The following IPO11 variants were observed in gnomAD, a reference collection of about 807,000 sequenced individuals.
IPO11 encodes importin 11.
A neutral mutation model predicts 143.2 loss-of-function variants in IPO11; 66 were observed. The observed-to-expected ratio is 0.46, with a 90% CI of 0.38 to 0.57. The LOEUF (loss-of-function observed/expected upper bound fraction) is 0.57, where lower values mean the gene tolerates loss of function less well. IPO11 is among the 20% of genes least tolerant of loss of function. The pLI, the probability that IPO11 is intolerant of heterozygous loss-of-function variation, is 0.00. For missense variants in IPO11, 1,026 were observed against 1,141.0 expected, an observed-to-expected ratio of 0.90 and a Z score of 1.45; for synonymous variants, 385 against 377.8, an observed-to-expected ratio of 1.02 and a Z score of -0.22.
chr5:62,483,267 CT>C lies in IPO11; in HGVS notation c.997del (p.Tyr333IlefsTer30). 1 of 1,574,730 alleles carries C rather than the reference CT, an allele frequency of 6.4e-7. No homozygotes were observed. Among genetic ancestry groups the C allele is most frequent in the Non-Finnish European group, 8.6e-7 (1 of 1,163,054 alleles). ...ATTAAGATGATTGTCAAAAATTATGCTTATAAGCCATCCAAAAATTTTGAAG... is the reference window on the plus strand; with the variant it reads ...ATTAAGATGATTGTCAAAAATTATGCTATAAGCCATCCAAAAATTTTGAAG... ...NLIKMIVKNY[A>X]YKPSKNFEDS... On this transcript the variant is annotated frameshift_variant, in exon 10 of 30. Coordinates refer to ENST00000325324, the MANE Select transcript of IPO11 (RefSeq NM_016338.5). LOFTEE classifies it high-confidence loss of function.
chr5:62,458,483 T>C (rs1420830647), intron 5 of IPO11, among the ~76,000 whole-genome samples: 1 of 152,196 alleles, frequency 6.6e-6, no homozygotes, highest in African/African-American at 2.4e-5. Context: ...GTACTTTTAG[T>C]AGGGACAGGG....
intron 27 of IPO11, among the ~76,000 whole-genome samples, chr5:62,571,725 G>A (rs573890550): frequency 4.2e-5 from 6 of 144,444 alleles, no homozygotes; most frequent in East Asian, 4.0e-4. Flanking sequence ...TTGCTCTGTC[G>A]CCCAGGCTGG....
intron 2 of IPO11, 84 bp downstream of exon 2, chr5:62,437,501 A>G: frequency 8.3e-7 from 1 of 1,209,128 alleles, no homozygotes; most frequent in Non-Finnish European, 1.1e-6. Context: ...TTTTATTGGT[A>G]GTTTAGTGAA....
chr5:62,497,154 A>G (rs886231623), intron 16 of IPO11, among the ~76,000 whole-genome samples: 15 of 152,168 alleles, frequency 9.9e-5, no homozygotes, highest in African/African-American at 3.6e-4. Context: ...TTCTTTTGTT[A>G]TTAGAAGGAG....
chr5:62,605,444 C>T (rs1042237945), intron 29 of IPO11, among the ~76,000 whole-genome samples: 1 of 152,092 alleles, frequency 6.6e-6, no homozygotes, highest in African/African-American at 2.4e-5. Context: ...CTCTCTCTAC[C>T]TTTCATTTCG....
chr5:62,596,585 T>G (rs1193679279), intron 28 of IPO11, among the ~76,000 whole-genome samples: 4 of 152,134 alleles, frequency 2.6e-5, no homozygotes, highest in African/African-American at 7.2e-5. Context: ...AAATTTGGCT[T>G]TTATAAGGAC....
At chr5:62,607,833 A>C (rs1302165391) in intron 29 of IPO11, among the ~76,000 whole-genome samples, 2 of 145,146 alleles carry the variant, frequency 1.4e-5, no homozygotes, top group African/African-American at 5.1e-5. Flanking sequence ...TTACTCTGTC[A>C]CCCAGGCTGG....
intron 13 of IPO11, among the ~76,000 whole-genome samples, chr5:62,488,808 G>T (rs1381761317): frequency 1.3e-5 from 2 of 152,148 alleles, no homozygotes; most frequent in East Asian, 1.9e-4. Context: ...TCCCAGACCA[G>T]CCTGGACAAC....
At chr5:62,439,882 A>T (rs1744402292) in intron 2 of IPO11, among the ~76,000 whole-genome samples, 1 of 152,062 alleles carries the variant, frequency 6.6e-6, no homozygotes, top group Non-Finnish European at 1.5e-5. Context: ...TGTATACATG[A>T]TCTCAGGCTT....
At chr5:62,416,751 TACTC>T (rs1209659637) in intron 1 of IPO11, among the ~76,000 whole-genome samples, 2 of 149,626 alleles carry the variant, frequency 1.3e-5, no homozygotes, top group African/African-American at 4.9e-5. Flanking sequence ...TGAGACAGAG[TACTC>T]ACTCTGTTTC....
rs145635723 is a variant in IPO11, at chr5:62,485,907, C to A, written c.1218+445C>A. 2.7e-5 allele frequency among the ~76,000 whole-genome samples: 4 copies of A among 148,198 alleles called. No homozygotes were observed. In the East Asian group the frequency reaches 5.9e-4, roughly 22 times the overall value. Reference sequence around the variant, plus strand: ...AACATTAAGTCAGACAGATAAGAAACTGTTTATAAGAAACTAAGAACTATA... The same window carrying A: ...AACATTAAGTCAGACAGATAAGAAAATGTTTATAAGAAACTAAGAACTATA... On this transcript the variant is annotated intron_variant, in intron 12 of 29. Coordinates refer to ENST00000325324, the MANE Select transcript of IPO11 (RefSeq NM_016338.5).
intron 26 of IPO11, among the ~76,000 whole-genome samples, chr5:62,552,980 C>T (rs1344705745): frequency 6.6e-6 from 1 of 152,212 alleles, no homozygotes; most frequent in Non-Finnish European, 1.5e-5. Context: ...CAGCCTCCTT[C>T]TAACTATTTG....
At chr5:62,491,480 A>C (rs1746605391) in intron 15 of IPO11, among the ~76,000 whole-genome samples, 1 of 152,096 alleles carries the variant, frequency 6.6e-6, no homozygotes, top group Non-Finnish European at 1.5e-5. Context: ...TAAGACCTTC[A>C]CTGTCCAGTG....
At chr5:62,449,179 C>G (rs1455982364) in intron 3 of IPO11, among the ~76,000 whole-genome samples, 1 of 152,106 alleles carries the variant, frequency 6.6e-6, no homozygotes, top group Non-Finnish European at 1.5e-5. Context: ...GTATTACAGG[C>G]CTGAGCCACT....
At chr5:62,513,173 G>A (rs1297251653) in intron 19 of IPO11, among the ~76,000 whole-genome samples, 93 of 151,540 alleles carry the variant, frequency 6.1e-4, no homozygotes, top group Middle Eastern at 3.4e-3. Context: ...GGGCAGAGGC[G>A]CCCCTCAGCT....
chr5:62,624,878 G>A (rs13185924), intron 29 of IPO11, among the ~76,000 whole-genome samples: 3 of 151,428 alleles, frequency 2.0e-5, no homozygotes, highest in Non-Finnish European at 4.4e-5. Flanking sequence ...CCAGCTACTC[G>A]GGAGGCTGAG....
At chr5:62,470,163 T>A in intron 6 of IPO11, 87 bp from the exon 7 acceptor site, 10 of 1,285,870 alleles carry the variant, frequency 7.8e-6, no homozygotes, top group Non-Finnish European at 7.9e-6. Context: ...CAAGCTTGAT[T>A]AAGTTTTGCA....
chr5:62,469,875 C>T (rs1287265265), intron 6 of IPO11, among the ~76,000 whole-genome samples: 2 of 151,920 alleles, frequency 1.3e-5, no homozygotes, highest in Non-Finnish European at 2.9e-5. Flanking sequence ...TTAATATAGC[C>T]GAAAACTGAA....
At chr5:62,474,492 A>C in intron 8 of IPO11, 28 bp downstream of exon 8, 1 of 1,523,088 alleles carries the variant, frequency 6.6e-7, no homozygotes. Flanking sequence ...AGTCCTTTTT[A>C]CTGTAGAATT....
Sources: gnomAD v4.1 joint callset for allele counts (sites outside exome capture counted in the v4.1 genomes callset) on GRCh38, gnomAD v4.1.1 for gene constraint, MANE v1.5 for transcripts, NCBI Gene and HGNC (gene_info 2026-07-23, HGNC 2026-07-21) for gene names.